HSPA14: variants seen among roughly 807,000 people sequenced by gnomAD.
HSPA14 encodes heat shock 70 kDa protein 14.
In HSPA14, 37 loss-of-function variants were observed where a neutral mutation model predicts 65.5. The observed-to-expected ratio is 0.56, with a 90% CI of 0.43 to 0.74. HSPA14 has a LOEUF of 0.74. Among genes scored for constraint, HSPA14 ranks in the 30% least tolerant of loss-of-function variants. HSPA14 has a pLI of 0.00. For missense variants in HSPA14, 564 were observed against 607.6 expected, an observed-to-expected ratio of 0.93 and a Z score of 0.75; for synonymous variants, 203 against 214.2, an observed-to-expected ratio of 0.95 and a Z score of 0.46.
chr10:14,845,774 C>A, intron 3 of HSPA14: 1 of 172,904 alleles, frequency 5.8e-6, no homozygotes, highest in Non-Finnish European at 1.1e-5. Flanking sequence ...GTTGGCCAGG[C>A]TAGTCTTGAA....
intron 2 of HSPA14, 36 bp from the exon 3 acceptor site, chr10:14,840,039 G>A: frequency 3.8e-6 from 5 of 1,303,176 alleles, no homozygotes; most frequent in Non-Finnish European, 5.3e-6. Context: ...TACATACATT[G>A]TAATATATAT....
chr10:14,838,749 G>A (rs991305427), intron 1 of HSPA14, among the ~76,000 whole-genome samples: 4 of 152,126 alleles, frequency 2.6e-5, no homozygotes, highest in African/African-American at 9.7e-5. Context: ...CGACGTAGCT[G>A]CAGGGTGCCC....
intron 3 of HSPA14, among the ~76,000 whole-genome samples, chr10:14,843,029 C>G (rs960400412): frequency 1.3e-5 from 2 of 152,214 alleles, no homozygotes; most frequent in Non-Finnish European, 2.9e-5. Context: ...AGCTATGCCC[C>G]TGGCAACATA....
intron 3 of HSPA14, among the ~76,000 whole-genome samples, chr10:14,841,859 A>AT (rs1265973025): frequency 1.3e-5 from 2 of 152,082 alleles, no homozygotes; most frequent in African/African-American, 2.4e-5. Context: ...GGTCCAGGTG[A>AT]TTTTCCCTCC....
rs201767789 is a variant in HSPA14, at chr10:14,867,283, T to G, written c.1194T>G (p.Asp398Glu). The change falls in exon 11 of 14, where the codon GAT becomes GAG. Residue 398 changes from aspartate (D) to glutamate (E), a missense_variant. Physicochemically the swap from Asp to Glu is conservative, Grantham distance 45. Coordinates refer to ENST00000378372, the MANE Select transcript of HSPA14 (RefSeq NM_016299.4). ...TTATGATAGAGTGTTCAGCCAGAGA[T>G]ATTTTAGTTAAGGTATGTTTAGCTT... ...DSLMIECSAR[D>E]ILVKGVDESG... is the part of the protein sequence containing the mutation. 1.5e-5 allele frequency: 24 copies of G among 1,612,146 alleles called. No individual in the cohort carries two copies. The highest frequency in any genetic ancestry group is 2.0e-5 in the Non-Finnish European group (24 of 1,178,414).
chr10:14,840,083 A>G lies in HSPA14; in HGVS notation c.147A>G (p.Gly49=). ...VAYSENEEIV[G]LAAKQSRIRN... is the part of the protein sequence containing the mutation. ...ATTATTTTTTTTTTCAGATTGTTGGATTGGCAGCAAAACAAAGTAGAATAA... is the reference window on the plus strand; with the variant it reads ...ATTATTTTTTTTTTCAGATTGTTGGGTTGGCAGCAAAACAAAGTAGAATAA... The change falls in exon 3 of 14, where the codon GGA becomes GGG. Residue 49 remains glycine, a synonymous_variant. Coordinates refer to ENST00000378372, the MANE Select transcript of HSPA14 (RefSeq NM_016299.4). The G allele has an allele frequency of 1.4e-6, 2 of 1,410,264 alleles. No individual in the cohort carries two copies. Among genetic ancestry groups the G allele is most frequent in the African/African-American group, 1.4e-5 (1 of 69,108 alleles). 87.4% of individuals were successfully genotyped at this position (1,410,264 alleles called of 1,614,324 possible).
At chr10:14,844,282 G>A (rs2131637146) in intron 3 of HSPA14, 1 of 1,078,084 alleles carries the variant, frequency 9.3e-7, no homozygotes, top group Admixed American at 4.9e-5. Flanking sequence ...GATGTGAAAG[G>A]GTTTAAAAGT....
intron 6 of HSPA14, among the ~76,000 whole-genome samples, chr10:14,850,264 C>T (rs571391205): frequency 1.4e-5 from 2 of 141,294 alleles, no homozygotes; most frequent in South Asian, 2.2e-4. Flanking sequence ...AGCGAGACTT[C>T]GTCTCAAAAA....
At chr10:14,841,983 G>A (rs577865777) in intron 3 of HSPA14, 7 of 492,916 alleles carry the variant, frequency 1.4e-5, no homozygotes, top group South Asian at 7.4e-5. Context: ...TCTTGGTGCC[G>A]TGTCTACCCT....
Position 14,867,290 on chromosome 10 carries a change from G to A in HSPA14, c.1201G>A (p.Val401Ile), listed in dbSNP as rs1269380616. The change falls in exon 11 of 14, where the codon GTT becomes ATT. Residue 401 changes from valine (V) to isoleucine (I), a missense_variant. Transcript: ENST00000378372. ...AGAGTGTTCAGCCAGAGATATTTTA[G>A]TTAAGGTATGTTTAGCTTTTGTATA... Reference protein sequence around the residue: ...MIECSARDILVKGVDESGASR... With the variant: ...MIECSARDILIKGVDESGASR... 4 of 1,608,846 alleles carry A rather than the reference G, an allele frequency of 2.5e-6. No homozygotes were observed. The highest frequency in any genetic ancestry group is 1.6e-4 in the Middle Eastern group (1 of 6,066).
rs1833981512 is a variant in HSPA14 at position 14,842,145 on chromosome 10, G to A, written c.221+1988G>A. 2.0e-6 allele frequency: 3 copies of A among 1,534,426 alleles called. No homozygotes were observed. The highest frequency in any genetic ancestry group is 3.3e-4 in the Middle Eastern group (2 of 5,986). On this transcript the variant is annotated intron_variant, in intron 3 of 13. Coordinates refer to ENST00000378372, the MANE Select transcript of HSPA14 (RefSeq NM_016299.4). This position sits in a 1 kb window ranked among gnomAD's most constrained non-coding sequence, Gnocchi z 5.2. ...CTGTGGCCTTCCAGCCAGAAATGCG[G>A]TCCTTGGACCTGGCTTCTCAGCAAT...
chr10:14,842,001 C>T lies in HSPA14; in HGVS notation c.221+1844C>T. On this transcript the variant is annotated intron_variant, in intron 3 of 13. Coordinates refer to ENST00000378372, the MANE Select transcript of HSPA14 (RefSeq NM_016299.4). The surrounding 1 kb of genome is among the most constrained non-coding windows in gnomAD (Gnocchi z 5.2). ...TGGTGCCGTGTCTACCCTGGGTGAA[C>T]TCCCAAAGTTGGGCTATCTCAGTCT... 7.0e-6 allele frequency: 4 copies of T among 574,946 alleles called. No homozygotes were observed. The highest frequency in any genetic ancestry group is 3.7e-4 in the Middle Eastern group (1 of 2,712). The allele number at this position is 574,946 out of a possible 1,614,324, so 35.6% of individuals were successfully genotyped here.
At chr10:14,852,608 T>C (rs1330174277) in intron 8 of HSPA14, 77 bp downstream of exon 8, 1 of 1,184,536 alleles carries the variant, frequency 8.4e-7, no homozygotes, top group Non-Finnish European at 1.2e-6. Context: ...TCCTAATTTA[T>C]TTTAAGTTAT....
chr10:14,864,827 T>A (rs1832791170), intron 10 of HSPA14, among the ~76,000 whole-genome samples: 1 of 152,230 alleles, frequency 6.6e-6, no homozygotes, highest in African/African-American at 2.4e-5. Flanking sequence ...TATAATCCTT[T>A]GGGTATATAC....
At chr10:14,861,602 T>G (rs1188004019) in intron 10 of HSPA14, among the ~76,000 whole-genome samples, 1 of 152,204 alleles carries the variant, frequency 6.6e-6, no homozygotes, top group East Asian at 1.9e-4. Context: ...TGAGCCACTG[T>G]GCCTGGCCAG....
intron 6 of HSPA14, chr10:14,850,701 T>G (rs1834102030): frequency 6.6e-6 from 1 of 152,244 alleles, no homozygotes; most frequent in Non-Finnish European, 1.5e-5. Flanking sequence ...GCATAGGCAT[T>G]TTTTTCATTC....
rs529457795 is a variant in HSPA14, at chr10:14,855,960, T to C, written c.993+17T>C. 11 of 1,385,806 alleles carry C rather than the reference T, an allele frequency of 7.9e-6. No homozygotes were observed. In the East Asian group the frequency reaches 1.6e-4, roughly 20 times the overall value. 85.8% of individuals were successfully genotyped at this position (1,385,806 alleles called of 1,614,324 possible). ...ATCAACAAGGTAATGCTTTTACATT[T>C]TTCTTAACTATTTTAGGTGTAGTTT... is the stretch of plus-strand genomic sequence containing the variant. On this transcript the variant is annotated intron_variant, in intron 10 of 13. Transcript: ENST00000378372.
chr10:14,854,777 A>G (rs928317101), intron 9 of HSPA14, among the ~76,000 whole-genome samples: 50 of 152,258 alleles, frequency 3.3e-4, no homozygotes, highest in African/African-American at 1.1e-3. Flanking sequence ...GGCCTTCATG[A>G]AGACTCTAGA....
At chr10:14,867,684 C>T in intron 11 of HSPA14, 52 bp from the exon 12 acceptor site, 1 of 1,513,868 alleles carries the variant, frequency 6.6e-7, no homozygotes, top group Non-Finnish European at 8.9e-7. Flanking sequence ...AAGTTTTTTT[C>T]AATTGTAAAG....
Sources: gnomAD v4.1 joint callset for allele counts (sites outside exome capture counted in the v4.1 genomes callset) on GRCh38, gnomAD v4.1.1 for gene constraint, Gnocchi (gnomAD v3.1) non-coding constraint, MANE v1.5 for transcripts, NCBI Gene and HGNC (gene_info 2026-07-23, HGNC 2026-07-21) for gene names.